The following ZC3H12B variants were observed in gnomAD, a reference collection of about 807,000 sequenced individuals.
ZC3H12B encodes the protein probable ribonuclease ZC3H12B.
Under a neutral mutation model 43.9 loss-of-function variants are expected in ZC3H12B, and 7 were observed. The observed-to-expected ratio is 0.16, with a 90% CI of 0.09 to 0.30. ZC3H12B has a LOEUF of 0.30. Among genes scored for constraint, ZC3H12B ranks in the 10% least tolerant of loss-of-function variants. The probability of loss-of-function intolerance (pLI) is 1.00; values close to 1 mark genes in which losing one functional copy is unlikely to be tolerated. For missense variants in ZC3H12B, 475 were observed against 670.2 expected, an observed-to-expected ratio of 0.71 and a Z score of 3.22; for synonymous variants, 222 against 241.7, an observed-to-expected ratio of 0.92 and a Z score of 0.76.
the ZC3H12B span, among the ~76,000 whole-genome samples, chrX:65,066,146 T>C: frequency 9.1e-6 from 1 of 110,494 alleles, no homozygotes; most frequent in African/African-American, 3.3e-5. Context: ...CTTCTGTCAG[T>C]TCGTCAAACT....
At chrX:65,264,261 C>T in the ZC3H12B span, among the ~76,000 whole-genome samples, 2 of 111,526 alleles carry the variant, frequency 1.8e-5, no homozygotes, top group African/African-American at 6.5e-5. Flanking sequence ...CACCGCTATA[C>T]AGTTCATCCA....
At chrX:65,069,974 A>G in the ZC3H12B span, among the ~76,000 whole-genome samples, 2 of 109,726 alleles carry the variant, frequency 1.8e-5, no homozygotes, top group Admixed American at 1.9e-4. Context: ...ATAGTTGGGG[A>G]TGAGTCTTAT....
the ZC3H12B span, among the ~76,000 whole-genome samples, chrX:65,239,271 A>G: frequency 1.8e-5 from 2 of 111,259 alleles, no homozygotes; most frequent in African/African-American, 6.5e-5. Context: ...TTGGGTGCAT[A>G]TGTATTTAGG....
chrX:65,081,820 C>T, the ZC3H12B span, among the ~76,000 whole-genome samples: 1 of 111,892 alleles, frequency 8.9e-6, no homozygotes, highest in Admixed American at 9.4e-5. Flanking sequence ...CCAATAGCTG[C>T]AGAATACACA....
chrX:65,429,443 T>A (rs927641417), intron 3 of ZC3H12B, among the ~76,000 whole-genome samples: 1 of 112,629 alleles, frequency 8.9e-6, no homozygotes, highest in Admixed American at 9.3e-5. Context: ...TGTAGAAAAC[T>A]GGCTGTGATG....
In ZC3H12B at chrX:65,489,548, A is replaced by G. The variant is rs1442193186; in HGVS notation, c.608+139A>G. 30 of 786,152 alleles carry G rather than the reference A, an allele frequency of 3.8e-5. 1 individual carries two copies. The highest frequency in any genetic ancestry group is 5.2e-5 in the Non-Finnish European group (30 of 574,471). 64.8% of individuals were successfully genotyped at this position (786,152 alleles called of 1,213,427 possible). A position where few individuals can be genotyped will look rare whatever the true frequency, so the allele number is the denominator to read the frequency against. On this transcript the variant is annotated intron_variant, in intron 1 of 4. Coordinates refer to ENST00000338957, the Ensembl canonical transcript of ZC3H12B. Reference sequence around the variant, plus strand: ...TTTCTGAAGGTGGCCAGAGACTAAAATGATCCTGCCCTTGCCTTTTCTTCT... The same window carrying G: ...TTTCTGAAGGTGGCCAGAGACTAAAGTGATCCTGCCCTTGCCTTTTCTTCT...
the ZC3H12B span, among the ~76,000 whole-genome samples, chrX:65,360,140 A>G: frequency 8.9e-6 from 1 of 112,534 alleles, no homozygotes; most frequent in African/African-American, 3.2e-5. Flanking sequence ...TGCACACTTC[A>G]TACACTACAA....
At chrX:65,255,598 A>C in the ZC3H12B span, among the ~76,000 whole-genome samples, 2 of 112,387 alleles carry the variant, frequency 1.8e-5, no homozygotes, top group Non-Finnish European at 3.8e-5. Flanking sequence ...ACTTATTTAC[A>C]TAGACCATTA....
intron 3 of ZC3H12B, among the ~76,000 whole-genome samples, chrX:65,454,307 A>C (rs898452432): frequency 1.8e-5 from 2 of 112,496 alleles, no homozygotes; most frequent in East Asian, 5.6e-4. Flanking sequence ...CGACGGTCTT[A>C]GCAAAGAGCA....
the ZC3H12B span, among the ~76,000 whole-genome samples, chrX:65,294,937 A>C: frequency 9.0e-6 from 1 of 110,804 alleles, no homozygotes; most frequent in Non-Finnish European, 1.9e-5. Flanking sequence ...AGCACTAGAC[A>C]GGTCATAAAG....
chrX:65,191,140 G>A, the ZC3H12B span, among the ~76,000 whole-genome samples: 1 of 80,266 alleles, frequency 1.2e-5, no homozygotes, highest in East Asian at 3.7e-4. Flanking sequence ...TGCATCCCAG[G>A]GATGAAGCCC....
At chrX:65,490,271 T>C (rs1336780853) in intron 1 of ZC3H12B, among the ~76,000 whole-genome samples, 2 of 104,944 alleles carry the variant, frequency 1.9e-5, no homozygotes, top group African/African-American at 7.1e-5. Context: ...AAGATCAGAA[T>C]AAGTAGAAGG....
rs934791485 is a variant in ZC3H12B at position 65,427,388 on chromosome X, G to A, written n.407+28684G>A. Among the ~76,000 whole-genome samples, 5 of 110,713 alleles carry A rather than the reference G, an allele frequency of 4.5e-5. 1 individual carries two copies. In the Admixed American group the frequency reaches 4.8e-4, roughly 11 times the overall value. ...CTCTCACCCAGGCTGGAGAGTAGTGGTATAATCTTGTTTTACTTAAACCTC... is the reference window on the plus strand; with the variant it reads ...CTCTCACCCAGGCTGGAGAGTAGTGATATAATCTTGTTTTACTTAAACCTC... On this transcript the variant is annotated intron_variant and non_coding_transcript_variant, in intron 3 of 5. Transcript: ENST00000617377.
chrX:65,243,254 A>G, the ZC3H12B span, among the ~76,000 whole-genome samples: 1 of 112,551 alleles, frequency 8.9e-6, no homozygotes, highest in African/African-American at 3.2e-5. Context: ...CAGAATATGT[A>G]AGAAACTCAA....
exon 5 of ZC3H12B, chrX:65,502,620 G>T: frequency 8.3e-7 from 1 of 1,209,827 alleles, no homozygotes; most frequent in Non-Finnish European, 1.1e-6. Flanking sequence ...CGAGTGCAGA[G>T]CTATGGCCCA....
upstream of ZC3H12B, among the ~76,000 whole-genome samples, chrX:65,365,836 C>T (rs1342237267): frequency 9.2e-6 from 1 of 109,253 alleles, no homozygotes; most frequent in Non-Finnish European, 1.9e-5. Context: ...CGCCAGAGAA[C>T]AACCCCCTTT....
At chrX:65,343,813 G>A in the ZC3H12B span, among the ~76,000 whole-genome samples, 2 of 111,379 alleles carry the variant, frequency 1.8e-5, no homozygotes, top group African/African-American at 6.5e-5. Flanking sequence ...TAGTATTGGA[G>A]GTTCTCACCA....
At chrX:65,162,751 CCTT>C in the ZC3H12B span, among the ~76,000 whole-genome samples, 2 of 108,388 alleles carry the variant, frequency 1.8e-5, no homozygotes, top group Admixed American at 1.9e-4. Flanking sequence ...TCGTCTGAAG[CCTT>C]CTTCTCTCAC....
chrX:65,422,146 G>T (rs546400397), intron 3 of ZC3H12B, among the ~76,000 whole-genome samples: 1 of 111,155 alleles, frequency 9.0e-6, no homozygotes, highest in African/African-American at 3.3e-5. Flanking sequence ...TATATGCTCA[G>T]AATCAGCATT....
Sources: allele counts gnomAD v4.1 joint callset (sites outside exome capture counted in the v4.1 genomes callset), GRCh38; gene constraint gnomAD v4.1.1; transcripts MANE v1.5; gene names NCBI Gene and HGNC (gene_info 2026-07-23, HGNC 2026-07-21).